Variants in NLRP8 observed in about 807,000 individuals in gnomAD.
The protein encoded by NLRP8 is NACHT, LRR and PYD domains-containing protein 8.
A neutral mutation model predicts 88.7 loss-of-function variants in NLRP8; 86 were observed. That is an observed-to-expected ratio of 0.97 (90% CI 0.81 to 1.16). The LOEUF (loss-of-function observed/expected upper bound fraction) is 1.16. NLRP8 is among the 50% of genes most tolerant of loss of function. NLRP8 has a pLI of 0.00. For synonymous variants in NLRP8, 504 were observed against 494.6 expected, an observed-to-expected ratio of 1.02 and a Z score of -0.25; for missense variants, 1,342 against 1,286.5, an observed-to-expected ratio of 1.04 and a Z score of -0.66.
chr19:55,955,462 G>A lies in NLRP8; in HGVS notation c.1404G>A (p.Val468=), dbSNP rs1328324498. 6.2e-7 allele frequency: 1 copy of A among 1,614,254 alleles called. No homozygotes were observed. The highest frequency in any genetic ancestry group is 1.3e-5 in the African/African-American group (1 of 75,068). Reference sequence around the variant, plus strand: ...ACAGCATGTGGCACAGGAAATGGGTGTTAGGTAAAGAAGATCTTGAGGAAG... The same window carrying A: ...ACAGCATGTGGCACAGGAAATGGGTATTAGGTAAAGAAGATCTTGAGGAAG... Residue 468 remains valine (V), a synonymous_variant, in exon 3 of 10, where the codon GTG becomes GTA. Transcript: ENST00000291971.
intron 9 of NLRP8, among the ~76,000 whole-genome samples, chr19:55,985,713 A>G (rs1180158974): frequency 5.9e-5 from 9 of 152,196 alleles, no homozygotes; most frequent in African/African-American, 1.2e-4. Context: ...AATTCTTCAA[A>G]TGGAATTTTC....
chr19:55,955,915 A>G lies in NLRP8; in HGVS notation c.1857A>G (p.Glu619=), dbSNP rs61750024. 0.06 allele frequency: 96,723 copies of G among 1,614,142 alleles called. 3,189 individuals carry two copies. The highest frequency in any genetic ancestry group is 0.079 in the South Asian group (7,227 of 91,080). The stretch of plus-strand genomic sequence containing the variant: ...ACTGTCTGCATGAAATCCGGGAGGA[A>G]GCCTTTGTAAGCCAAGCCCTAAATG... The change falls in exon 3 of 10, where the codon GAA becomes GAG. Residue 619 remains glutamate (E), a synonymous_variant. Coordinates refer to ENST00000291971, the MANE Select transcript of NLRP8 (RefSeq NM_176811.2).
At chr19:55,961,646 A>G (rs920195139) in intron 3 of NLRP8, among the ~76,000 whole-genome samples, 16 of 151,050 alleles carry the variant, frequency 1.1e-4, no homozygotes, top group African/African-American at 3.7e-4. Flanking sequence ...TACAAAAAAT[A>G]CAAAAATCAG....
In NLRP8 at chr19:55,987,818, A is replaced by G. The variant is rs1260934193; in HGVS notation, c.3052A>G (p.Ile1018Val). The G allele has an allele frequency of 6.8e-6, 11 of 1,613,434 alleles. No individual in the cohort carries two copies. The highest frequency in any genetic ancestry group is 9.3e-6 in the Non-Finnish European group (11 of 1,179,442). ...CCTTCCTTTACCTCCCTCCAGCTGT[A>G]TTCCTGCCTGGACTCGAATAACTAG... The change falls in exon 10 of 10, where the codon ATT (isoleucine) becomes GTT (valine). Residue 1018 changes from isoleucine to valine, a missense_variant. Physicochemically the swap from Ile to Val is conservative, Grantham distance 29. Transcript: ENST00000291971.
intron 5 of NLRP8, among the ~76,000 whole-genome samples, chr19:55,970,306 T>C (rs1037288464): frequency 1.3e-5 from 2 of 152,154 alleles, no homozygotes; most frequent in Admixed American, 1.3e-4. Flanking sequence ...ATGGAAATAG[T>C]TAGAGCTCAG....
chr19:55,959,436 T>A (rs1979516934), intron 3 of NLRP8, among the ~76,000 whole-genome samples: 1 of 151,344 alleles, frequency 6.6e-6, no homozygotes, highest in African/African-American at 2.4e-5. Context: ...ATGGTCTTGA[T>A]CTCCTGACCT....
chr19:55,955,821 T>C lies in NLRP8; in HGVS notation c.1763T>C (p.Leu588Pro), dbSNP rs1408237781. 1 of 1,614,176 alleles carries C rather than the reference T, an allele frequency of 6.2e-7. No homozygotes were observed. Among genetic ancestry groups the C allele is most frequent in the South Asian group, 1.1e-5 (1 of 91,078 alleles). ...TCTTTCGGTAATAAGAGGAAACTGC[T>C]GAAAGTCATACCTCTGTTGCATAAA... The change falls in exon 3 of 10, where the codon CTG (leucine) becomes CCG (proline). Residue 588 changes from leucine to proline, a missense_variant. By Grantham distance (98) the Leu-to-Pro change is moderately conservative. Transcript: ENST00000291971.
intron 4 of NLRP8, among the ~76,000 whole-genome samples, chr19:55,965,451 A>G (rs148275912): frequency 7.2e-4 from 108 of 149,588 alleles, no homozygotes; most frequent in Middle Eastern, 6.8e-3. Context: ...ACTCCATCTC[A>G]CAAGAAAAAA....
chr19:55,968,084 A>C (rs986631538), intron 5 of NLRP8, among the ~76,000 whole-genome samples: 1 of 152,244 alleles, frequency 6.6e-6, no homozygotes, highest in Non-Finnish European at 1.5e-5. Flanking sequence ...TGAAACATGA[A>C]TTTAATATAA....
chr19:55,960,972 G>A (rs1271244221), intron 3 of NLRP8, among the ~76,000 whole-genome samples: 1 of 142,900 alleles, frequency 7.0e-6, no homozygotes, highest in Non-Finnish European at 1.5e-5. Flanking sequence ...AACAATCTTG[G>A]CTCACTGCAA....
At chr19:55,958,059 T>C (rs569244503) in intron 3 of NLRP8, among the ~76,000 whole-genome samples, 72 of 152,288 alleles carry the variant, frequency 4.7e-4, no homozygotes, top group Admixed American at 2.8e-3. Flanking sequence ...ATGGAGCACC[T>C]TGTCCAAGGT....
intron 3 of NLRP8, among the ~76,000 whole-genome samples, chr19:55,956,496 G>A (rs1009644403): frequency 5.9e-5 from 9 of 151,980 alleles, no homozygotes; most frequent in South Asian, 2.1e-4. Flanking sequence ...CGCCCACCTC[G>A]GCCTCCCAAA....
chr19:55,957,183 G>C (rs998230943), intron 3 of NLRP8, among the ~76,000 whole-genome samples: 3 of 152,172 alleles, frequency 2.0e-5, no homozygotes, highest in African/African-American at 4.8e-5. Flanking sequence ...TCCTGAATCT[G>C]TCTTATCCAA....
chr19:55,975,126 C>T (rs752453343), intron 7 of NLRP8, among the ~76,000 whole-genome samples: 2 of 152,254 alleles, frequency 1.3e-5, no homozygotes, highest in Non-Finnish European at 2.9e-5. Context: ...AGGACATCAC[C>T]GAACCATAAC....
chr19:55,978,056 T>G (rs1412067925), intron 8 of NLRP8, among the ~76,000 whole-genome samples: 5 of 152,158 alleles, frequency 3.3e-5, no homozygotes, highest in African/African-American at 1.2e-4. Context: ...AGCCTTTGCT[T>G]GTATGAGATT....
At chr19:55,983,274 G>T (rs964742942) in intron 9 of NLRP8, among the ~76,000 whole-genome samples, 1 of 151,890 alleles carries the variant, frequency 6.6e-6, no homozygotes, top group African/African-American at 2.4e-5. Context: ...GACCAGCATG[G>T]CCAACGTGGT....
At chr19:55,956,584 C>T (rs1315965638) in intron 3 of NLRP8, among the ~76,000 whole-genome samples, 1 of 152,002 alleles carries the variant, frequency 6.6e-6, no homozygotes, top group Non-Finnish European at 1.5e-5. Flanking sequence ...TACGGTGATA[C>T]ATGTTTGTTT....
In NLRP8 at chr19:55,948,088, T is replaced by A; in HGVS notation, c.186T>A (p.Thr62=). 3.1e-6 allele frequency: 5 copies of A among 1,614,158 alleles called. No individual in the cohort carries two copies. The highest frequency in any genetic ancestry group is 4.2e-6 in the Non-Finnish European group (5 of 1,180,014). The change falls in exon 1 of 10, where the codon ACT becomes ACA. Residue 62 remains threonine (T), a synonymous_variant. Coordinates refer to ENST00000291971, the MANE Select transcript of NLRP8 (RefSeq NM_176811.2). ...AACGGTTCAAGCAGCTCTTACTGAC[T>A]GAGCTCAGTACTGGCACCATGCCCA...
At chr19:55,959,591 C>T (rs1345053747) in intron 3 of NLRP8, among the ~76,000 whole-genome samples, 4 of 152,182 alleles carry the variant, frequency 2.6e-5, no homozygotes, top group Non-Finnish European at 5.9e-5. Context: ...GCAGGGATAT[C>T]ACTTCATATT....
Sources: allele counts gnomAD v4.1 joint callset (sites outside exome capture counted in the v4.1 genomes callset), GRCh38; gene constraint gnomAD v4.1.1; transcripts MANE v1.5; gene names NCBI Gene and HGNC (gene_info 2026-07-23, HGNC 2026-07-21).